METTL16: variants seen among roughly 807,000 people sequenced by gnomAD.
METTL16 encodes RNA N(6)-adenosine-methyltransferase METTL16.
In METTL16, 19 loss-of-function variants were observed where a neutral mutation model predicts 57.9. That is an observed-to-expected ratio of 0.33 (90% CI 0.23 to 0.48). The LOEUF is 0.48. Ranked by LOEUF, METTL16 falls within the 20% of genes least tolerant of loss-of-function variation. The pLI, the probability that METTL16 is intolerant of heterozygous loss-of-function variation, is 0.99. For missense variants in METTL16, 434 were observed against 691.5 expected (o/e 0.63, Z 4.18); for synonymous variants, 246 against 255.6 (o/e 0.96, Z 0.36).
At position 2,467,805 on chromosome 17, in the gene METTL16, A is replaced by C. The variant is rs769460904; in HGVS notation, c.541T>G (p.Cys181Gly). The C allele has an allele frequency of 6.2e-7, 1 of 1,614,190 alleles. No homozygotes were observed. Among genetic ancestry groups the C allele is most frequent in the Non-Finnish European group, 8.5e-7 (1 of 1,180,008 alleles). ...KEESEIIYDF[C>G]MCNPPFFANQ... ...GCAAAAAAGGGAGGGTTGCACATGC[A>C]AAAGTCATAGATTATCTCAGATTCT... Residue 181 changes from cysteine to glycine, a missense_variant, in exon 5 of 10, where the codon TGC becomes GGC. Physicochemically the swap from Cys to Gly is radical, Grantham distance 159. This residue lies in a region of METTL16 where 118 missense variants were observed against 280.0 expected (regional missense o/e 0.42). Transcript: ENST00000263092.
chr17:2,485,541 G>A (rs1248409715), intron 2 of METTL16, among the ~76,000 whole-genome samples: 1 of 151,978 alleles, frequency 6.6e-6, no homozygotes, highest in African/African-American at 2.4e-5. Flanking sequence ...AGAAAGTTGG[G>A]GTACTTGGCT....
chr17:2,502,477 C>A, intron 1 of METTL16, 146 bp from the exon 2 acceptor site: 1 of 612,082 alleles, frequency 1.6e-6, no homozygotes. Flanking sequence ...CAAGACCATC[C>A]CATCCTGGCC....
intron 2 of METTL16, among the ~76,000 whole-genome samples, chr17:2,488,147 GCAGCATTAACCCCAA>G (rs149866408): frequency 0.012 from 1,894 of 152,210 alleles, 36 homozygotes; most frequent in African/African-American, 0.043. Context: ...CATATTTACT[GCAGCATTAACCCCAA>G]CAGCCAAGAG....
chr17:2,456,071 T>C (rs2067108112), intron 6 of METTL16, among the ~76,000 whole-genome samples: 1 of 152,084 alleles, frequency 6.6e-6, no homozygotes, highest in Non-Finnish European at 1.5e-5. Context: ...CCTACCTTAG[T>C]ATGAAGGAAA....
Position 2,511,855 on chromosome 17 carries a change from C to G in METTL16, c.-97G>C, listed in dbSNP as rs1334302676. On this transcript the variant is annotated 5_prime_UTR_variant, in exon 1 of 10. Coordinates refer to ENST00000263092, the MANE Select transcript of METTL16 (RefSeq NM_024086.4). ...CCGCATAGCGAAGCTCCTAGAAACG[C>G]AGATGATACGCTCCCAGCGCGCCGC... 2.5e-6 allele frequency: 1 copy of G among 398,534 alleles called. No homozygotes were observed. Among genetic ancestry groups the G allele is most frequent in the East Asian group, 3.6e-5 (1 of 28,070 alleles). 24.7% of individuals were successfully genotyped at this position (398,534 alleles called of 1,614,324 possible). A position where few individuals can be genotyped will look rare whatever the true frequency, so the allele number is the denominator to read the frequency against.
At chr17:2,472,169 C>T (rs1049011967) in intron 4 of METTL16, among the ~76,000 whole-genome samples, 2 of 149,984 alleles carry the variant, frequency 1.3e-5, no homozygotes, top group African/African-American at 4.9e-5. Context: ...AAAAGATATA[C>T]AGATGGTAAA....
At chr17:2,467,956 C>A in intron 4 of METTL16, 80 bp from the exon 5 acceptor site, 2 of 901,732 alleles carry the variant, frequency 2.2e-6, no homozygotes, top group Non-Finnish European at 1.8e-6. Context: ...CGTAATGATT[C>A]TTTGGTCAAC....
Position 2,429,403 on chromosome 17 carries a change from G to C in METTL16, c.889-8499C>G, listed in dbSNP as rs57956956. 5.4e-3 allele frequency among the ~76,000 whole-genome samples: 817 copies of C among 149,950 alleles called. 8 individuals carry two copies. Among genetic ancestry groups the C allele is most frequent in the African/African-American group, 0.018 (749 of 40,648 alleles). ...GGGATTCACTATGTTGGCCAGGCTG[G>C]TCTCGAACTCCTGACCTCAGGCAAT... On this transcript the variant is annotated intron_variant, in intron 8 of 9. Transcript: ENST00000263092.
intron 6 of METTL16, among the ~76,000 whole-genome samples, chr17:2,456,219 A>G (rs2067109036): frequency 6.6e-6 from 1 of 152,058 alleles, no homozygotes; most frequent in Non-Finnish European, 1.5e-5. Context: ...TATCTCTGGT[A>G]TCTGTGTAGG....
chr17:2,489,809 A>G (rs1306846941), intron 2 of METTL16, among the ~76,000 whole-genome samples: 2 of 151,630 alleles, frequency 1.3e-5, no homozygotes, highest in South Asian at 2.1e-4. Context: ...TGAAGCTTAA[A>G]AAGAAAGAAA....
At chr17:2,480,185 CAAAA>C (rs953770502) in intron 2 of METTL16, among the ~76,000 whole-genome samples, 6 of 61,902 alleles carry the variant, frequency 9.7e-5, no homozygotes, top group African/African-American at 3.0e-4. Context: ...GACTCTGTCT[CAAAA>C]AAAAAAAAAA....
At chr17:2,444,254 A>G (rs2066976466) in intron 6 of METTL16, among the ~76,000 whole-genome samples, 2 of 152,132 alleles carry the variant, frequency 1.3e-5, no homozygotes, top group South Asian at 4.1e-4. Context: ...GTTCGAGACT[A>G]GCTTGGCCAA....
chr17:2,421,662 A>G (rs1655789226), intron 8 of METTL16, among the ~76,000 whole-genome samples: 1 of 152,198 alleles, frequency 6.6e-6, no homozygotes, highest in Admixed American at 6.5e-5. Context: ...TCTTGGCTGG[A>G]AAGAACTGCA....
chr17:2,446,017 C>G (rs1356389407), intron 6 of METTL16, among the ~76,000 whole-genome samples: 1 of 152,026 alleles, frequency 6.6e-6, no homozygotes, highest in Non-Finnish European at 1.5e-5. Context: ...ACATTATCAC[C>G]TCAATAGACT....
intron 8 of METTL16, among the ~76,000 whole-genome samples, chr17:2,423,099 C>T (rs1436335810): frequency 6.6e-6 from 1 of 152,200 alleles, no homozygotes; most frequent in Non-Finnish European, 1.5e-5. Context: ...TACCTGGCCA[C>T]ACTGACAGCG....
At chr17:2,508,602 C>T (rs1396645772) in intron 1 of METTL16, among the ~76,000 whole-genome samples, 2 of 152,098 alleles carry the variant, frequency 1.3e-5, no homozygotes, top group Non-Finnish European at 2.9e-5. Context: ...TTCACAACAC[C>T]ACCTCTCTGG....
At chr17:2,490,763 A>G (rs1351885512) in intron 2 of METTL16, among the ~76,000 whole-genome samples, 1 of 152,198 alleles carries the variant, frequency 6.6e-6, no homozygotes, top group Non-Finnish European at 1.5e-5. Context: ...CATTTTGGGC[A>G]AGAGAACAAT....
intron 1 of METTL16, among the ~76,000 whole-genome samples, chr17:2,508,437 T>G (rs2067564028): frequency 6.6e-6 from 1 of 152,170 alleles, no homozygotes; most frequent in African/African-American, 2.4e-5. Context: ...CCTTCTCATC[T>G]TCCCTATCTC....
At chr17:2,448,773 T>TAAAA (rs1391105641) in intron 6 of METTL16, among the ~76,000 whole-genome samples, 1 of 29,612 alleles carries the variant, frequency 3.4e-5, no homozygotes, top group Non-Finnish European at 6.9e-5. Flanking sequence ...AAATAAAAAA[T>TAAAA]AAAAAAATAA....
Sources: allele counts gnomAD v4.1 joint callset (sites outside exome capture counted in the v4.1 genomes callset), GRCh38; gene constraint gnomAD v4.1.1; regional missense constraint gnomAD v4.1.1; transcripts MANE v1.5; gene names NCBI Gene and HGNC (gene_info 2026-07-23, HGNC 2026-07-21).